The following GALNT18 variants were observed in gnomAD, a reference collection of about 807,000 sequenced individuals.
GALNT18 encodes the protein polypeptide N-acetylgalactosaminyltransferase 18.
GALNT18 carries 44 observed loss-of-function variants against 69.5 expected under a neutral mutation model. The observed-to-expected ratio is 0.63, with a 90% CI of 0.50 to 0.81. The LOEUF (loss-of-function observed/expected upper bound fraction) is 0.81, where lower values mean the gene tolerates loss of function less well. GALNT18 is among the 40% of genes least tolerant of loss of function. The pLI, the probability that GALNT18 is intolerant of heterozygous loss-of-function variation, is 0.00. For synonymous variants in GALNT18, 364 were observed against 318.2 expected (o/e 1.14, Z -1.53); for missense variants, 715 against 810.0 (o/e 0.88, Z 1.42).
At chr11:11,331,055 A>G (rs1279287869) in intron 8 of GALNT18, among the ~76,000 whole-genome samples, 1 of 152,184 alleles carries the variant, frequency 6.6e-6, no homozygotes, top group African/African-American at 2.4e-5. Flanking sequence ...ATAGCTTGCT[A>G]TGGGTGGAGT....
intron 1 of GALNT18, among the ~76,000 whole-genome samples, chr11:11,477,967 G>C (rs1856439892): frequency 6.6e-6 from 1 of 152,146 alleles, no homozygotes; most frequent in Non-Finnish European, 1.5e-5. Context: ...GGGACATCAG[G>C]CTTTATCTAA....
In GALNT18 at chr11:11,562,367, G is replaced by A. The variant is rs1858532279; in HGVS notation, c.235+58992C>T. On this transcript the variant is annotated intron_variant, in intron 1 of 10. Coordinates refer to ENST00000227756, the MANE Select transcript of GALNT18 (RefSeq NM_198516.3). The surrounding 1 kb of genome is among the most constrained non-coding windows in gnomAD (Gnocchi z 4.1). ...GTGCACACCCGTCATATTGGATTGG[G>A]GCCCACCCCAATGACCTCATTTTCA... Among the ~76,000 whole-genome samples the A allele has an allele frequency of 6.6e-6, 1 of 152,000 alleles. No individual in the cohort carries two copies. Among genetic ancestry groups the A allele is most frequent in the South Asian group, 2.1e-4 (1 of 4,824 alleles).
chr11:11,491,159 T>C (rs1005120801), intron 1 of GALNT18, among the ~76,000 whole-genome samples: 1 of 152,142 alleles, frequency 6.6e-6, no homozygotes, highest in Admixed American at 6.5e-5. Flanking sequence ...ACAAGCAACA[T>C]GAGGTGGCTC....
intron 1 of GALNT18, among the ~76,000 whole-genome samples, chr11:11,458,193 G>A (rs1002062966): frequency 5.3e-5 from 8 of 152,206 alleles, no homozygotes; most frequent in African/African-American, 1.4e-4. Context: ...GATGGAAACC[G>A]ACTGTCAGAG....
intron 1 of GALNT18, among the ~76,000 whole-genome samples, chr11:11,537,074 A>G (rs1373569444): frequency 6.6e-6 from 1 of 152,202 alleles, no homozygotes; most frequent in African/African-American, 2.4e-5. Flanking sequence ...TATGGATCAG[A>G]CACTGTTGCA....
intron 10 of GALNT18, among the ~76,000 whole-genome samples, chr11:11,271,669 G>A (rs1455730238): frequency 6.6e-6 from 1 of 152,144 alleles, no homozygotes; most frequent in Non-Finnish European, 1.5e-5. Flanking sequence ...CTGCATTTGA[G>A]CATCACCAGA....
intron 1 of GALNT18, among the ~76,000 whole-genome samples, chr11:11,476,894 G>A (rs1359751183): frequency 6.6e-6 from 1 of 152,236 alleles, no homozygotes; most frequent in African/African-American, 2.4e-5. Context: ...GAAGGTGACT[G>A]AAAATTAATT....
intron 3 of GALNT18, among the ~76,000 whole-genome samples, chr11:11,399,444 T>C (rs1854411272): frequency 6.6e-6 from 1 of 151,526 alleles, no homozygotes; most frequent in Non-Finnish European, 1.5e-5. Context: ...TGTCAAAAAA[T>C]GGCGATTCTT....
chr11:11,331,182 T>C (rs1051738695), intron 8 of GALNT18, among the ~76,000 whole-genome samples: 4 of 152,160 alleles, frequency 2.6e-5, no homozygotes, highest in Admixed American at 2.0e-4. Context: ...GAGACTCAGG[T>C]ACTACCTGAG....
Position 11,508,298 on chromosome 11 carries a change from G to T in GALNT18, c.236-59362C>A, listed in dbSNP as rs140016854. The stretch of plus-strand genomic sequence containing the variant: ...AGAGGATACGCTATTTGAGGTAGGA[G>T]ATCTTATAATGTGAATGTGTCTGAT... On this transcript the variant is annotated intron_variant, in intron 1 of 10. Coordinates refer to ENST00000227756, the MANE Select transcript of GALNT18 (RefSeq NM_198516.3). 2.4e-3 allele frequency among the ~76,000 whole-genome samples: 368 copies of T among 152,256 alleles called. 3 individuals are homozygous for T. The highest frequency in any genetic ancestry group is 8.6e-3 in the African/African-American group (357 of 41,530).
chr11:11,611,783 C>A (rs1015424197), intron 1 of GALNT18, among the ~76,000 whole-genome samples: 6 of 152,174 alleles, frequency 3.9e-5, no homozygotes, highest in Non-Finnish European at 7.3e-5. Flanking sequence ...GCAGCTGGAA[C>A]ACTCCGCTTT....
rs867641242 is a variant in GALNT18 at position 11,288,220 on chromosome 11, A to G, written c.1677+4809T>C. ...CAACAACCATCATTATCTGCTCTAC[A>G]TGACTCTAAGTCTTATCTCCTACTT... On this transcript the variant is annotated intron_variant, in intron 10 of 10. Coordinates refer to ENST00000227756, the MANE Select transcript of GALNT18 (RefSeq NM_198516.3). Among the ~76,000 whole-genome samples, 3 of 152,226 alleles carry G rather than the reference A, an allele frequency of 2.0e-5. No homozygotes were observed. The East Asian group carries it at 5.8e-4, about 29-fold the overall frequency.
intron 1 of GALNT18, among the ~76,000 whole-genome samples, chr11:11,456,968 A>C (rs990110288): frequency 6.6e-6 from 1 of 152,214 alleles, no homozygotes; most frequent in African/African-American, 2.4e-5. Context: ...GGCAGGAAAT[A>C]GCTTGCAAAG....
intron 4 of GALNT18, among the ~76,000 whole-genome samples, chr11:11,378,477 G>A (rs1333636013): frequency 1.3e-5 from 2 of 152,224 alleles, no homozygotes; most frequent in African/African-American, 2.4e-5. Flanking sequence ...TTCCTGGCTG[G>A]CTGCAGCCAC....
chr11:11,553,685 C>T (rs565891406), intron 1 of GALNT18, among the ~76,000 whole-genome samples: 3 of 152,170 alleles, frequency 2.0e-5, no homozygotes, highest in Admixed American at 2.0e-4. Flanking sequence ...CAAGCTCCCC[C>T]CCAGCACCCC....
intron 1 of GALNT18, among the ~76,000 whole-genome samples, chr11:11,551,997 A>G (rs1392223067): frequency 6.6e-6 from 1 of 152,210 alleles, no homozygotes; most frequent in East Asian, 1.9e-4. Context: ...CAATGGCGGA[A>G]TGTCATCAGT....
At chr11:11,427,310 C>A (rs983170904) in intron 3 of GALNT18, among the ~76,000 whole-genome samples, 3 of 152,196 alleles carry the variant, frequency 2.0e-5, no homozygotes, top group African/African-American at 7.2e-5. Flanking sequence ...AAGAAGAAAG[C>A]AGTGATTGAC....
In GALNT18 at chr11:11,345,928, C is replaced by T. The variant is rs185979913; in HGVS notation, c.1093-4924G>A. Among the ~76,000 whole-genome samples, 298 of 152,284 alleles carry T rather than the reference C, an allele frequency of 2.0e-3. 1 individual carries two copies. Among genetic ancestry groups the T allele is most frequent in the African/African-American group, 6.4e-3 (268 of 41,560 alleles). ...TCCTGCAGGCACTGGGCATACTTGACGGCACATCAGCACAAGGCTGGGTCC... is the reference window on the plus strand; with the variant it reads ...TCCTGCAGGCACTGGGCATACTTGATGGCACATCAGCACAAGGCTGGGTCC... On this transcript the variant is annotated intron_variant, in intron 6 of 10. Coordinates refer to ENST00000227756, the MANE Select transcript of GALNT18 (RefSeq NM_198516.3).
chr11:11,330,098 A>G (rs1849992148), intron 8 of GALNT18, among the ~76,000 whole-genome samples: 2 of 152,170 alleles, frequency 1.3e-5, no homozygotes, highest in African/African-American at 4.8e-5. Context: ...TCAATGATCC[A>G]GGGGAAACTT....
Sources: allele counts gnomAD v4.1 joint callset (sites outside exome capture counted in the v4.1 genomes callset), GRCh38; gene constraint gnomAD v4.1.1; non-coding constraint Gnocchi (gnomAD v3.1); transcripts MANE v1.5; gene names NCBI Gene and HGNC (gene_info 2026-07-23, HGNC 2026-07-21).